COMP: variants seen among roughly 807,000 people sequenced by gnomAD.
COMP encodes the protein cartilage oligomeric matrix protein.
A neutral mutation model predicts 95.8 loss-of-function variants in COMP; 79 were observed. The observed-to-expected ratio is 0.82, with a 90% CI of 0.69 to 0.99. The LOEUF (loss-of-function observed/expected upper bound fraction) is 0.99. Ranked by LOEUF, COMP falls within the 50% of genes least tolerant of loss-of-function variation. COMP has a pLI of 0.00. For synonymous variants in COMP, 438 were observed against 433.9 expected (o/e 1.01, Z -0.12); for missense variants, 906 against 1,076.1 (o/e 0.84, Z 2.21).
Position 18,785,732 on chromosome 19 carries a change from C to T in COMP, c.1609G>A (p.Val537Ile). 6.2e-7 allele frequency: 1 copy of T among 1,613,556 alleles called. No individual in the cohort carries two copies. The highest frequency in any genetic ancestry group is 8.5e-7 in the Non-Finnish European group (1 of 1,180,036). Residue 537 changes from valine to isoleucine, a missense_variant, in exon 14 of 19, where the codon GTC (valine) becomes ATC (isoleucine). Physicochemically the swap from Val to Ile is conservative, Grantham distance 29 (BLOSUM62 3). Transcript: ENST00000222271. ...TLTDFRAFQT[V>I]VLDPEGDAQI... ...GCGTCACCCTCCGGGTCCAGCACGA[C>T]TGTCTGGAAGGCCCTGAAGTCGGTG...
chr19:18,785,393 A>C (rs1601052695), intron 15 of COMP, 105 bp downstream of exon 15: 1 of 805,544 alleles, frequency 1.2e-6, no homozygotes, highest in Non-Finnish European at 1.8e-6. Context: ...AGCCCGGGCC[A>C]GCCCCCTTCT....
In COMP at chr19:18,791,217, G is replaced by A; in HGVS notation, c.53C>T (p.Ala18Val). The A allele has an allele frequency of 1.3e-6, 2 of 1,594,176 alleles. No homozygotes were observed. The highest frequency in any genetic ancestry group is 1.7e-6 in the Non-Finnish European group (2 of 1,172,028). ...CAACGGGCTCTGGCCCTGTCCGGAC[G>A]CGCCGAGGGCAGCCAGGGTGAGCAG... The part of the protein sequence containing the change: ...VLLLTLAALG[A>V]SGQGQSPLGS... Residue 18 changes from alanine (A) to valine (V), a missense_variant, in exon 1 of 19, where the codon GCG becomes GTG. By Grantham distance (64) the Ala-to-Val change is moderately conservative (BLOSUM62 0). Transcript: ENST00000222271.
chr19:18,789,245 C>A lies in COMP; in HGVS notation c.443G>T (p.Gly148Val), dbSNP rs1338125544. The change falls in exon 5 of 19, where the codon GGG becomes GTG. Residue 148 changes from glycine to valine, a missense_variant. Physicochemically the swap from Gly to Val is moderately radical, Grantham distance 109. Transcript: ENST00000222271. The surrounding 1 kb of genome is among the most constrained non-coding windows in gnomAD (Gnocchi z 6.1). Reference protein sequence around the residue: ...PRVRCINTSPGFRCEACPPGY... With the variant: ...PRVRCINTSPVFRCEACPPGY... ...CGGCGGGCAAGCCTCGCAGCGGAAC[C>A]CCGGGCTGGTGTTGATACAGCGGAC... 5.9e-6 allele frequency: 9 copies of A among 1,526,226 alleles called. No homozygotes were observed. Among genetic ancestry groups the A allele is most frequent in the Non-Finnish European group, 7.0e-6 (8 of 1,144,516 alleles). The allele number at this position is 1,526,226 out of a possible 1,614,324, so 94.5% of individuals were successfully genotyped here.
rs757708852 is a variant in COMP, at chr19:18,785,893, C to T, written c.1490-42G>A. 19 of 1,606,598 alleles carry T rather than the reference C, an allele frequency of 1.2e-5. 1 individual carries two copies. The Middle Eastern group carries it at 8.4e-4, about 71-fold the overall frequency. On this transcript the variant is annotated intron_variant, in intron 13 of 18. Coordinates refer to ENST00000222271, the MANE Select transcript of COMP (RefSeq NM_000095.3). ...CCCTCGGTGGGCTAAAGTCAGGGCC[C>T]GCCCACCGTAGACCCCGCGCCAGGA...
rs1478847238 is a variant in COMP at position 18,783,180 on chromosome 19, C to T, written c.2101G>A (p.Glu701Lys). ...QVGYIRVRFY[E>K]GPELVADSNV... ...CTGTCGGCCACCAGCTCAGGGCCCT[C>T]ATAGAATCGCACCCTGAGGGTCAGA... Residue 701 changes from glutamate to lysine, a missense_variant, in exon 18 of 19, where the codon GAG (glutamate) becomes AAG (lysine). Glu to Lys is a moderately conservative substitution (Grantham distance 56). Transcript: ENST00000222271. The T allele has an allele frequency of 1.9e-6, 3 of 1,608,234 alleles. No individual in the cohort carries two copies. The South Asian group carries it at 3.3e-5, about 18-fold the overall frequency.
At position 18,784,958 on chromosome 19, in the gene COMP, C is replaced by T; in HGVS notation, c.1852G>A (p.Glu618Lys). 1.9e-6 allele frequency: 3 copies of T among 1,614,102 alleles called. No individual in the cohort carries two copies. In the South Asian group the frequency reaches 3.3e-5, roughly 18 times the overall value. ...GGGTTCGCCTGCCAATACGTTTGCT[C>T]CATCTGCTTCCACATGACCACGTAG... ...SFYVVMWKQM[E>K]QTYWQANPFR... The change falls in exon 16 of 19, where the codon GAG becomes AAG. Residue 618 changes from glutamate to lysine, a missense_variant. Coordinates refer to ENST00000222271, the MANE Select transcript of COMP (RefSeq NM_000095.3). This position sits in a 1 kb window ranked among gnomAD's most constrained non-coding sequence, Gnocchi z 4.9.
At chr19:18,790,511 G>T (rs1352575570) in intron 3 of COMP, 51 bp downstream of exon 3, 1 of 1,605,274 alleles carries the variant, frequency 6.2e-7, no homozygotes. Flanking sequence ...CTCTGTCTCT[G>T]TGTCTCTGTC....
chr19:18,790,248 C>T, intron 3 of COMP, 134 bp from the exon 4 acceptor site: 1 of 712,942 alleles, frequency 1.4e-6, no homozygotes, highest in South Asian at 1.9e-5. Context: ...GCCCGAAATC[C>T]TGCGCTGTCC....
Position 18,787,476 on chromosome 19 carries a change from C to G in COMP, c.1135+15G>C. Reference sequence around the variant, plus strand: ...CCGCCGCCTCTCCTCGCCCCCCAACCCCCATCGAGCTCACGGTCGCCGTCG... The same window carrying G: ...CCGCCGCCTCTCCTCGCCCCCCAACGCCCATCGAGCTCACGGTCGCCGTCG... On this transcript the variant is annotated intron_variant, in intron 10 of 18. Coordinates refer to ENST00000222271, the MANE Select transcript of COMP (RefSeq NM_000095.3). 6.2e-7 allele frequency: 1 copy of G among 1,610,444 alleles called. No individual in the cohort carries two copies. Among genetic ancestry groups the G allele is most frequent in the Admixed American group, 1.7e-5 (1 of 59,992 alleles).
In COMP at chr19:18,786,306, A is replaced by T; in HGVS notation, c.1255-15T>A. 1.9e-6 allele frequency: 3 copies of T among 1,613,780 alleles called. No homozygotes were observed. The highest frequency in any genetic ancestry group is 1.7e-6 in the Non-Finnish European group (2 of 1,180,030). Reference sequence around the variant, plus strand: ...TCCACATCCGCCTGCGGAGGGCAGCATGCGGGGGTCCATAATCAGACAGAG... The same window carrying T: ...TCCACATCCGCCTGCGGAGGGCAGCTTGCGGGGGTCCATAATCAGACAGAG... On this transcript the variant is annotated splice_polypyrimidine_tract_variant and intron_variant, in intron 11 of 18. Coordinates refer to ENST00000222271, the MANE Select transcript of COMP (RefSeq NM_000095.3).
rs150820366 is a variant in COMP, at chr19:18,789,972, G to A, written c.360C>T (p.Gly120=). Residue 120 remains glycine, a synonymous_variant, in exon 4 of 19, where the codon GGC becomes GGT. Transcript: ENST00000222271. This position sits in a 1 kb window ranked among gnomAD's most constrained non-coding sequence, Gnocchi z 6.1. ...RCGPCPAGFT[G]NGSHCTDVNE... The stretch of plus-strand genomic sequence containing the variant: ...TGACGTCGGTGCAGTGCGAGCCGTT[G>A]CCCGTGAAGCCCGCGGGGCAGGGGC... 1,073 of 1,595,086 alleles carry A rather than the reference G, an allele frequency of 6.7e-4. No homozygotes were observed. The highest frequency in any genetic ancestry group is 8.6e-4 in the Non-Finnish European group (1,013 of 1,178,104).
At chr19:18,787,768 G>C in intron 9 of COMP, 118 bp from the exon 10 acceptor site, 1 of 1,368,746 alleles carries the variant, frequency 7.3e-7, no homozygotes, top group Non-Finnish European at 1.0e-6. Context: ...GCCCCTCCTA[G>C]ACCACGGAGG....
At chr19:18,786,690 C>G in intron 10 of COMP, 40 bp from the exon 11 acceptor site, 1 of 1,536,198 alleles carries the variant, frequency 6.5e-7, no homozygotes, top group Non-Finnish European at 9.0e-7. Context: ...AGATTGGGAC[C>G]AGGCCAGAAT....
chr19:18,788,147 C>T lies in COMP; in HGVS notation c.975+65G>A, dbSNP rs2055183272. On this transcript the variant is annotated intron_variant, in intron 9 of 18. Coordinates refer to ENST00000222271, the MANE Select transcript of COMP (RefSeq NM_000095.3). The surrounding 1 kb of genome is among the most constrained non-coding windows in gnomAD (Gnocchi z 4.7). ...TCCATCTCTTGACCTCGTGATCCGC[C>T]CGCCTCGGCCTCCCAAAGTGCTGGG... 1.5e-6 allele frequency: 2 copies of T among 1,362,594 alleles called. No homozygotes were observed. The highest frequency in any genetic ancestry group is 2.1e-6 in the Non-Finnish European group (2 of 960,278). 84.4% of individuals were successfully genotyped at this position (1,362,594 alleles called of 1,614,324 possible).
At position 18,788,416 on chromosome 19, in the gene COMP, G is replaced by A. The variant is rs2055185945; in HGVS notation, c.861C>T (p.Cys287=). The part of the protein sequence containing the change: ...DEKLRCPERQ[C]RKDNCVTVPN... ...CCGCTCCGCCCCCACCCACCTTACGGCACTGGCGCTCCGGGCAGCGCAGCT... is the reference window on the plus strand; with the variant it reads ...CCGCTCCGCCCCCACCCACCTTACGACACTGGCGCTCCGGGCAGCGCAGCT... The change falls in exon 8 of 19, where the codon TGC becomes TGT. Residue 287 remains cysteine (C), a synonymous_variant. Coordinates refer to ENST00000222271, the MANE Select transcript of COMP (RefSeq NM_000095.3). The surrounding 1 kb of genome is among the most constrained non-coding windows in gnomAD (Gnocchi z 4.7). 1 of 1,608,118 alleles carries A rather than the reference G, an allele frequency of 6.2e-7. No homozygotes were observed. The highest frequency in any genetic ancestry group is 1.3e-5 in the African/African-American group (1 of 74,808).
rs2055199058 is a variant in COMP at position 18,789,899 on chromosome 19, T to C, written c.390+43A>G. 5 of 1,585,692 alleles carry C rather than the reference T, an allele frequency of 3.2e-6. No homozygotes were observed. The East Asian group carries it at 1.1e-4, about 36-fold the overall frequency. On this transcript the variant is annotated intron_variant, in intron 4 of 18. Transcript: ENST00000222271. This position sits in a 1 kb window ranked among gnomAD's most constrained non-coding sequence, Gnocchi z 6.1. ...CGGGCGGCGAGAGATTGGGGGGCGG[T>C]AGAGGGAGTCGTCAGGGCGGTGGAG...
Position 18,784,865 on chromosome 19 carries a change from C to T in COMP, c.1914+31G>A, listed in dbSNP as rs767388975. The T allele has an allele frequency of 3.5e-5, 57 of 1,610,962 alleles. No homozygotes were observed. The highest frequency in any genetic ancestry group is 6.7e-5 in the East Asian group (3 of 44,878). On this transcript the variant is annotated intron_variant, in intron 16 of 18. Coordinates refer to ENST00000222271, the MANE Select transcript of COMP (RefSeq NM_000095.3). The surrounding 1 kb of genome is among the most constrained non-coding windows in gnomAD (Gnocchi z 4.9). The stretch of plus-strand genomic sequence containing the variant: ...GAGGGTCATGGGAGGGCATGAGGAC[C>T]GCAGAGGTCAGGCACGGACGGCCCT...
rs2055140237 is a variant in COMP, at chr19:18,783,417, G to A, written c.2088-224C>T. Among the ~76,000 whole-genome samples the A allele has an allele frequency of 2.0e-5, 3 of 152,198 alleles. No homozygotes were observed. The South Asian group carries it at 6.2e-4, about 31-fold the overall frequency. On this transcript the variant is annotated intron_variant, in intron 17 of 18. Transcript: ENST00000222271. ...GGGCTTGCTAGCAGCATGGAATGGA[G>A]GCTGAGAAACAGGGACTGGGTGAGG...
intron 3 of COMP, 67 bp downstream of exon 3, chr19:18,790,495 C>G: frequency 2.5e-6 from 4 of 1,594,282 alleles, no homozygotes; most frequent in Non-Finnish European, 3.4e-6. Flanking sequence ...TTCCCTGGCT[C>G]TCTGTCTCTG....
Sources: gnomAD v4.1 joint callset for allele counts (sites outside exome capture counted in the v4.1 genomes callset) on GRCh38, gnomAD v4.1.1 for gene constraint, Gnocchi (gnomAD v3.1) non-coding constraint, MANE v1.5 for transcripts, NCBI Gene and HGNC (gene_info 2026-07-23, HGNC 2026-07-21) for gene names.